The following KIAA1217 variants were observed in gnomAD, a reference collection of about 807,000 sequenced individuals.
The protein encoded by KIAA1217 is KIAA1217, also known as sickle tail protein homolog.
A neutral mutation model predicts 163.9 loss-of-function variants in KIAA1217; 88 were observed. The ratio of observed to expected loss-of-function variants is 0.54; its 90% CI spans 0.45 to 0.64. The LOEUF (loss-of-function observed/expected upper bound fraction) is 0.64. Among genes scored for constraint, KIAA1217 ranks in the 30% least tolerant of loss-of-function variants. The probability of loss-of-function intolerance (pLI) is 0.00; values close to 1 mark genes in which losing one functional copy is unlikely to be tolerated. For missense variants in KIAA1217, 2,372 were observed against 2,475.0 expected, an observed-to-expected ratio of 0.96 and a Z score of 0.88; for synonymous variants, 903 against 923.1, an observed-to-expected ratio of 0.98 and a Z score of 0.39.
intron 1 of KIAA1217, among the ~76,000 whole-genome samples, chr10:23,872,209 A>C (rs535157949): frequency 1.3e-5 from 2 of 152,238 alleles, no homozygotes; most frequent in South Asian, 4.1e-4. Context: ...AGTGAACGTC[A>C]TCACCTTGGC....
intron 1 of KIAA1217, among the ~76,000 whole-genome samples, chr10:23,942,945 CAAA>C (rs112348727): frequency 0.01 from 1,031 of 100,842 alleles, 10 homozygotes; most frequent in African/African-American, 0.03. Flanking sequence ...CTGTCTGTAC[CAAA>C]AAAAAAAAAA....
At position 23,813,390 on chromosome 10, in the gene KIAA1217, T is replaced by C. The variant is rs146169657; in HGVS notation, c.-321+118156T>C. On this transcript the variant is annotated intron_variant, in intron 1 of 18. Transcript: ENST00000376462. ...TTGCTATTTTTTTGTTTTGTGTCAC[T>C]ATAGTCCTTTTTATGCACATAAACC... 1.2e-3 allele frequency among the ~76,000 whole-genome samples: 179 copies of C among 152,224 alleles called. 13 individuals carry two copies. In the East Asian group the frequency reaches 0.028, roughly 24 times the overall value.
chr10:23,773,681 C>G (rs1434650425), intron 1 of KIAA1217, among the ~76,000 whole-genome samples: 5 of 152,232 alleles, frequency 3.3e-5, no homozygotes, highest in African/African-American at 1.2e-4. Flanking sequence ...TCCTTCACAT[C>G]CCTTGTAAGC....
rs568615419 is a variant in KIAA1217, at chr10:24,037,602, G to T, written c.-171+30228G>T. On this transcript the variant is annotated intron_variant, in intron 2 of 18. Transcript: ENST00000376462. ...CAGTATGGAAGTCTTAGGCTCTGGA[G>T]TAGATGGGCAAGTTGCCTGTTGATC... is the stretch of plus-strand genomic sequence containing the variant. Among the ~76,000 whole-genome samples the T allele has an allele frequency of 3.3e-5, 5 of 152,344 alleles. No individual in the cohort carries two copies. In the East Asian group the frequency reaches 7.7e-4, roughly 24 times the overall value.
At chr10:24,071,196 G>T (rs1260520561) in intron 2 of KIAA1217, among the ~76,000 whole-genome samples, 1 of 152,166 alleles carries the variant, frequency 6.6e-6, no homozygotes, top group Non-Finnish European at 1.5e-5. Flanking sequence ...TCTAAAAACT[G>T]TGCAGATAAT....
chr10:23,975,082 C>A (rs949181128), intron 1 of KIAA1217, among the ~76,000 whole-genome samples: 3 of 152,058 alleles, frequency 2.0e-5, no homozygotes, highest in Admixed American at 6.6e-5. Flanking sequence ...AGCTGATATA[C>A]ACAGAAGGAA....
chr10:24,401,813 G>A (rs2056556914), intron 3 of KIAA1217, among the ~76,000 whole-genome samples: 1 of 133,866 alleles, frequency 7.5e-6, no homozygotes, highest in Non-Finnish European at 1.5e-5. Context: ...ATCTACATAG[G>A]AAATCCAATG....
intron 6 of KIAA1217, among the ~76,000 whole-genome samples, chr10:24,491,242 G>A (rs1394250731): frequency 1.6e-5 from 2 of 127,138 alleles, no homozygotes; most frequent in African/African-American, 5.9e-5. Context: ...CAGCAATGTT[G>A]TTTATCCAGA....
Position 24,432,995 on chromosome 10 carries a change from G to A in KIAA1217, c.554G>A (p.Gly185Glu), listed in dbSNP as rs1385470630. Residue 185 changes from glycine (G) to glutamate (E), a missense_variant and splice_region_variant, in exon 4 of 21, where the codon GGG becomes GAG. Transcript: ENST00000376454. ...STNQTKERSLGVLYLQYGDET... is the reference protein window; with the variant it reads ...STNQTKERSLEVLYLQYGDET... ...TAATAACTGTTTCCTTTGTGTGCAGGGGTTCTCTATCTCCAGTATGGAGAT... is the reference window on the plus strand; with the variant it reads ...TAATAACTGTTTCCTTTGTGTGCAGAGGTTCTCTATCTCCAGTATGGAGAT... 3.7e-6 allele frequency: 6 copies of A among 1,613,654 alleles called. No individual in the cohort carries two copies. The highest frequency in any genetic ancestry group is 4.2e-6 in the Non-Finnish European group (5 of 1,179,702).
At chr10:24,152,329 T>A (rs764427982) in intron 2 of KIAA1217, among the ~76,000 whole-genome samples, 26 of 152,214 alleles carry the variant, frequency 1.7e-4, no homozygotes, top group Non-Finnish European at 2.9e-5. Context: ...GTAGTAAATA[T>A]CCACAGATAC....
At chr10:24,372,511 T>A (rs919772586) in intron 2 of KIAA1217, among the ~76,000 whole-genome samples, 2 of 152,120 alleles carry the variant, frequency 1.3e-5, no homozygotes, top group Admixed American at 6.6e-5. Context: ...TCAAAAAAAA[T>A]AATCTATGGG....
rs145583896 is a variant in KIAA1217 at position 24,252,955 on chromosome 10, C to A, written c.354+33046C>A. Among the ~76,000 whole-genome samples the A allele has an allele frequency of 1.9e-3, 289 of 151,036 alleles. 4 individuals carry two copies. Among genetic ancestry groups the A allele is most frequent in the African/African-American group, 6.4e-3 (263 of 41,058 alleles). ...ATCGATTGAGCCCGGGAGTTTGAGA[C>A]CAGCCTGGGTAATATAGCGAGACCC... On this transcript the variant is annotated intron_variant, in intron 2 of 20. Transcript: ENST00000376454.
intron 2 of KIAA1217, among the ~76,000 whole-genome samples, chr10:24,182,286 A>G (rs2066207389): frequency 6.6e-6 from 1 of 152,122 alleles, no homozygotes; most frequent in Non-Finnish European, 1.5e-5. Context: ...AAATACGAAA[A>G]TTAGCTGGGC....
intron 2 of KIAA1217, among the ~76,000 whole-genome samples, chr10:24,017,038 TTG>T (rs1385576402): frequency 2.0e-5 from 2 of 99,286 alleles, no homozygotes; most frequent in Non-Finnish European, 4.3e-5. Flanking sequence ...GTTAGTTTTT[TTG>T]TTTTTTTTTT....
chr10:23,788,812 C>T (rs924224773), intron 1 of KIAA1217, among the ~76,000 whole-genome samples: 2 of 152,152 alleles, frequency 1.3e-5, no homozygotes, highest in East Asian at 1.9e-4. Flanking sequence ...AAAACACTCA[C>T]GTTATACTCT....
rs78082365 is a variant in KIAA1217 at position 23,794,367 on chromosome 10, A to C, written c.-321+99133A>C. Among the ~76,000 whole-genome samples, 172 of 152,306 alleles carry C rather than the reference A, an allele frequency of 1.1e-3. 11 individuals carry two copies. The East Asian group carries it at 0.026, about 23-fold the overall frequency. ...GGCTTGTGAGATAAGTTGATTCGTAAGGAAACCGACCCATCCTGTTCTACT... is the reference window on the plus strand; with the variant it reads ...GGCTTGTGAGATAAGTTGATTCGTACGGAAACCGACCCATCCTGTTCTACT... On this transcript the variant is annotated intron_variant, in intron 1 of 18. Transcript: ENST00000376462.
intron 2 of KIAA1217, among the ~76,000 whole-genome samples, chr10:24,254,614 G>A (rs12573113): frequency 0.049 from 7,426 of 152,206 alleles, 442 homozygotes; most frequent in East Asian, 0.2. Flanking sequence ...GGCAGATATG[G>A]CCACAAATGA....
chr10:23,855,395 G>T (rs959759843), intron 1 of KIAA1217, among the ~76,000 whole-genome samples: 1 of 152,210 alleles, frequency 6.6e-6, no homozygotes, highest in Non-Finnish European at 1.5e-5. Context: ...CTGTTAGTCT[G>T]ATGGGATTCC....
At position 24,162,637 on chromosome 10, in the gene KIAA1217, C is replaced by A. The variant is rs140967237; in HGVS notation, c.-170-56989C>A. On this transcript the variant is annotated intron_variant, in intron 2 of 18. Transcript: ENST00000376462. The stretch of plus-strand genomic sequence containing the variant: ...TTATCTGTTCTGCACAAAAAATTGC[C>A]CACCAGAATAGCAACATGAATCATA... 1.1e-3 allele frequency among the ~76,000 whole-genome samples: 172 copies of A among 152,308 alleles called. 1 individual carries two copies. The highest frequency in any genetic ancestry group is 4.0e-3 in the African/African-American group (168 of 41,574).
Sources: allele counts gnomAD v4.1 joint callset (sites outside exome capture counted in the v4.1 genomes callset), GRCh38; gene constraint gnomAD v4.1.1; transcripts MANE v1.5; gene names NCBI Gene and HGNC (gene_info 2026-07-23, HGNC 2026-07-21).